The following PPP1R14C variants were observed in gnomAD, a reference collection of about 807,000 sequenced individuals.
PPP1R14C encodes the protein protein phosphatase 1 regulatory subunit 14C.
PPP1R14C carries 16 observed loss-of-function variants against 20.4 expected under a neutral mutation model. That is an observed-to-expected ratio of 0.78 (90% CI 0.53 to 1.19). PPP1R14C has a LOEUF of 1.19. Ranked by LOEUF, PPP1R14C falls within the 50% of genes most tolerant of loss-of-function variation. The pLI, the probability that PPP1R14C is intolerant of heterozygous loss-of-function variation, is 0.00. For missense variants in PPP1R14C, 211 were observed against 220.1 expected (o/e 0.96, Z 0.26); for synonymous variants, 91 against 91.0 (o/e 1.00, Z 0.00).
chr6:150,159,143 A>G (rs961441906), intron 1 of PPP1R14C, among the ~76,000 whole-genome samples: 21 of 152,226 alleles, frequency 1.4e-4, no homozygotes, highest in Admixed American at 1.2e-3. Context: ...CCACCTGCTC[A>G]GGGGCTGACT....
intron 1 of PPP1R14C, among the ~76,000 whole-genome samples, chr6:150,170,139 C>T (rs982453967): frequency 1.3e-5 from 2 of 152,098 alleles, no homozygotes; most frequent in African/African-American, 4.8e-5. Context: ...TAGATTTTAC[C>T]TTCTGATGGG....
At chr6:150,238,734 T>C (rs11758948) in intron 3 of PPP1R14C, among the ~76,000 whole-genome samples, 1,697 of 152,390 alleles carry the variant, frequency 0.011, 23 homozygotes, top group South Asian at 0.024. Flanking sequence ...GCATAGACTC[T>C]ACTTAGATTA....
At chr6:150,169,564 T>C (rs557540649) in intron 1 of PPP1R14C, among the ~76,000 whole-genome samples, 2 of 152,224 alleles carry the variant, frequency 1.3e-5, no homozygotes, top group African/African-American at 4.8e-5. Flanking sequence ...CTAAACCCAA[T>C]GGTTGAGTAA....
intron 3 of PPP1R14C, among the ~76,000 whole-genome samples, chr6:150,236,629 G>GTGTGTGTGTA (rs1778363771): frequency 6.6e-6 from 1 of 151,356 alleles, no homozygotes; most frequent in African/African-American, 2.4e-5. Flanking sequence ...GTGTGTGTGT[G>GTGTGTGTGTA]TGTGTGTGTG....
At chr6:150,217,193 G>GTTTT (rs201443446) in intron 3 of PPP1R14C, among the ~76,000 whole-genome samples, 6 of 148,746 alleles carry the variant, frequency 4.0e-5, no homozygotes, top group Non-Finnish European at 3.0e-5. Context: ...TTATTGGTAT[G>GTTTT]TATTTTTTTT....
intron 3 of PPP1R14C, among the ~76,000 whole-genome samples, chr6:150,246,934 AT>A (rs1353815627): frequency 7.2e-5 from 11 of 152,172 alleles, no homozygotes; most frequent in African/African-American, 2.7e-4. Context: ...AAAACAATAT[AT>A]TTTCTTCAAT....
At position 150,143,070 on chromosome 6, in the gene PPP1R14C, CG is replaced by C; in HGVS notation, c.-121del. 1 of 1,087,114 alleles carries C rather than the reference CG, an allele frequency of 9.2e-7. No individual in the cohort carries two copies. Among genetic ancestry groups the C allele is most frequent in the Non-Finnish European group, 1.1e-6 (1 of 899,876 alleles). 67.3% of individuals were successfully genotyped at this position (1,087,114 alleles called of 1,614,324 possible). On this transcript the variant is annotated 5_prime_UTR_variant, in exon 1 of 4. Transcript: ENST00000361131. The surrounding 1 kb of genome is among the most constrained non-coding windows in gnomAD (Gnocchi z 5.6). ...GAGCAGCCGGGCGGCTGGGCGCGCG[CG>C]GCGCAGAGCAGGTGCCGGGGAGCCC...
intron 1 of PPP1R14C, among the ~76,000 whole-genome samples, chr6:150,168,014 CCA>C (rs1777449631): frequency 0.045 from 14 of 310 alleles, 4 homozygotes; most frequent in African/African-American, 0.12. Context: ...TGCTTTCCTC[CCA>C]CCCTTTCTGC....
chr6:150,177,202 C>T (rs561465222), intron 1 of PPP1R14C, among the ~76,000 whole-genome samples: 3 of 152,238 alleles, frequency 2.0e-5, no homozygotes, highest in South Asian at 4.1e-4. Context: ...CACCGTGTGG[C>T]CATTTGAAAA....
intron 1 of PPP1R14C, among the ~76,000 whole-genome samples, chr6:150,192,527 G>A (rs1198520183): frequency 6.6e-6 from 1 of 152,138 alleles, no homozygotes; most frequent in Non-Finnish European, 1.5e-5. Flanking sequence ...ACCTCCTACT[G>A]TGTGGCCTGG....
intron 3 of PPP1R14C, among the ~76,000 whole-genome samples, chr6:150,235,745 T>G (rs1229361896): frequency 6.6e-6 from 1 of 152,150 alleles, no homozygotes; most frequent in Non-Finnish European, 1.5e-5. Flanking sequence ...ATTCTTCTTT[T>G]CTAATTTATA....
In PPP1R14C at chr6:150,152,254, C is replaced by A. The variant is rs553718687; in HGVS notation, c.306+8756C>A. 5.3e-5 allele frequency among the ~76,000 whole-genome samples: 8 copies of A among 152,232 alleles called. No homozygotes were observed. The East Asian group carries it at 9.6e-4, about 18-fold the overall frequency. On this transcript the variant is annotated intron_variant, in intron 1 of 3. Coordinates refer to ENST00000361131, the MANE Select transcript of PPP1R14C (RefSeq NM_030949.3). ...AAGTACAGGGAGTTTGAGCTGCAGGCCTCCGTCAGAGGCCACATGGCGGGC... is the reference window on the plus strand; with the variant it reads ...AAGTACAGGGAGTTTGAGCTGCAGGACTCCGTCAGAGGCCACATGGCGGGC...
intron 3 of PPP1R14C, among the ~76,000 whole-genome samples, chr6:150,217,605 TA>T (rs1257097038): frequency 6.6e-6 from 1 of 152,236 alleles, no homozygotes; most frequent in African/African-American, 2.4e-5. Flanking sequence ...GTGTAATGTA[TA>T]AACATTATCA....
intron 1 of PPP1R14C, among the ~76,000 whole-genome samples, chr6:150,155,976 G>A (rs1374937628): frequency 8.4e-6 from 1 of 118,962 alleles, no homozygotes; most frequent in Non-Finnish European, 1.6e-5. Flanking sequence ...AGTGAGCCAA[G>A]ATCGCACCAT....
rs1276956676 is a variant in PPP1R14C, at chr6:150,143,729, C to T, written c.306+231C>T. Among the ~76,000 whole-genome samples the T allele has an allele frequency of 6.6e-6, 1 of 152,160 alleles. No homozygotes were observed. Among genetic ancestry groups the T allele is most frequent in the Non-Finnish European group, 1.5e-5 (1 of 68,016 alleles). ...CTGCCGGTGCCCGGGGATCTGCGGG[C>T]CCCCTTGGTGGCCGTGGGGAGGGTT... On this transcript the variant is annotated intron_variant, in intron 1 of 3. Coordinates refer to ENST00000361131, the MANE Select transcript of PPP1R14C (RefSeq NM_030949.3). This position sits in a 1 kb window ranked among gnomAD's most constrained non-coding sequence, Gnocchi z 5.6.
At chr6:150,223,743 G>A (rs1778196930) in intron 3 of PPP1R14C, among the ~76,000 whole-genome samples, 1 of 151,704 alleles carries the variant, frequency 6.6e-6, no homozygotes, top group African/African-American at 2.4e-5. Flanking sequence ...TGAATATTTT[G>A]GATAATAGGC....
intron 1 of PPP1R14C, among the ~76,000 whole-genome samples, chr6:150,184,409 G>A (rs1361351402): frequency 6.6e-6 from 1 of 152,172 alleles, no homozygotes; most frequent in African/African-American, 2.4e-5. Context: ...AGGAGCAATA[G>A]GCCATACCCT....
chr6:150,200,213 A>G (rs1387573019), intron 1 of PPP1R14C, among the ~76,000 whole-genome samples: 3 of 150,222 alleles, frequency 2.0e-5, no homozygotes, highest in Non-Finnish European at 4.4e-5. Context: ...CATGTACACA[A>G]CACACACACA....
At chr6:150,159,343 G>C (rs148864407) in intron 1 of PPP1R14C, among the ~76,000 whole-genome samples, 1 of 152,106 alleles carries the variant, frequency 6.6e-6, no homozygotes, top group Non-Finnish European at 1.5e-5. Context: ...TCCTTTGATC[G>C]CATTTTGTCA....
Sources: allele counts gnomAD v4.1 joint callset (sites outside exome capture counted in the v4.1 genomes callset), GRCh38; gene constraint gnomAD v4.1.1; non-coding constraint Gnocchi (gnomAD v3.1); transcripts MANE v1.5; gene names NCBI Gene and HGNC (gene_info 2026-07-23, HGNC 2026-07-21).